HELQ: variants seen among roughly 807,000 people sequenced by gnomAD.
The protein encoded by HELQ is helicase POLQ-like.
Under a neutral mutation model 111.6 loss-of-function variants are expected in HELQ, and 77 were observed. The observed-to-expected ratio is 0.69, with a 90% CI of 0.57 to 0.83. The LOEUF is 0.83. Among genes scored for constraint, HELQ ranks in the 40% least tolerant of loss-of-function variants. The probability of loss-of-function intolerance (pLI) is 0.00; values close to 1 mark genes in which losing one functional copy is unlikely to be tolerated. For missense variants in HELQ, 1,200 were observed against 1,288.5 expected (o/e 0.93, Z 1.05); for synonymous variants, 438 against 454.7 (o/e 0.96, Z 0.47).
chr4:83,438,358 T>C (rs1720570295), intron 8 of HELQ, among the ~76,000 whole-genome samples: 1 of 152,194 alleles, frequency 6.6e-6, no homozygotes, highest in Non-Finnish European at 1.5e-5. Context: ...GAGCCAATAT[T>C]AAGATACTAC....
At chr4:83,416,603 G>C (rs773129105) in intron 17 of HELQ, 128 bp downstream of exon 17, 13 of 927,586 alleles carry the variant, frequency 1.4e-5, no homozygotes, top group South Asian at 1.8e-5. Context: ...ACAAATAAGA[G>C]TATGTACTTT....
chr4:83,407,796 G>A (rs1260175890), intron 17 of HELQ, among the ~76,000 whole-genome samples: 7 of 152,078 alleles, frequency 4.6e-5, no homozygotes, highest in Non-Finnish European at 1.0e-4. Context: ...AAAAATAAAG[G>A]AGCTTTAATT....
In HELQ at chr4:83,453,892, G is replaced by A; in HGVS notation, c.351C>T (p.Asn117=). Residue 117 remains asparagine, a synonymous_variant, in exon 2 of 18, where the codon AAC becomes AAT. Transcript: ENST00000295488. The stretch of plus-strand genomic sequence containing the variant: ...GGTCGTCAACTTGAGCTATAAAGGA[G>A]TTTTCAGTAAAGCTATCATAGTCAC... ...MFGDYDSFTE[N]SFIAQVDDLE... The A allele has an allele frequency of 6.2e-7, 1 of 1,613,906 alleles. No homozygotes were observed. The highest frequency in any genetic ancestry group is 8.5e-7 in the Non-Finnish European group (1 of 1,179,886).
intron 2 of HELQ, among the ~76,000 whole-genome samples, chr4:83,452,514 C>T (rs778825904): frequency 1.2e-4 from 19 of 152,140 alleles, no homozygotes; most frequent in Non-Finnish European, 1.8e-4. Context: ...GTTTAATCAA[C>T]AGTATTACTA....
Position 83,451,324 on chromosome 4 carries a change from G to A in HELQ, c.1012+1907C>T, listed in dbSNP as rs72931473. On this transcript the variant is annotated intron_variant, in intron 2 of 17. Transcript: ENST00000295488. ...CATTTTTAAGTGACAATCCCCAGCA[G>A]TTGAGAACCTACCAGAGTATACCAG... Among the ~76,000 whole-genome samples, 1,374 of 152,180 alleles carry A rather than the reference G, an allele frequency of 9.0e-3. 18 individuals carry two copies. Among genetic ancestry groups the A allele is most frequent in the African/African-American group, 0.031 (1,294 of 41,510 alleles).
At chr4:83,411,176 A>C (rs974232063) in intron 17 of HELQ, among the ~76,000 whole-genome samples, 2 of 150,790 alleles carry the variant, frequency 1.3e-5, no homozygotes, top group African/African-American at 4.9e-5. Flanking sequence ...AAAAAAAAAA[A>C]AGAAAGTCAA....
chr4:83,428,631 T>TA (rs1719970583), intron 12 of HELQ, among the ~76,000 whole-genome samples: 1 of 151,960 alleles, frequency 6.6e-6, no homozygotes, highest in African/African-American at 2.4e-5. Flanking sequence ...AAACAATCTC[T>TA]AAGACATTAT....
intron 17 of HELQ, among the ~76,000 whole-genome samples, chr4:83,409,074 CA>C (rs1738950643): frequency 6.6e-6 from 1 of 151,824 alleles, no homozygotes; most frequent in African/African-American, 2.4e-5. Context: ...GGAAATTAAA[CA>C]AACAAACAAA....
Position 83,448,792 on chromosome 4 carries a change from G to A in HELQ, c.1182C>T (p.Val394=). 6.2e-7 allele frequency: 1 copy of A among 1,611,876 alleles called. No individual in the cohort carries two copies. Among genetic ancestry groups the A allele is most frequent in the Non-Finnish European group, 8.5e-7 (1 of 1,178,904 alleles). ...VLMILPYVAI[V]QEKISGLSSF... ...ATACACACACACACACCTTTTCTTG[G>A]ACAATTGCCACATATGGAAGAATCA... The change falls in exon 3 of 18, where the codon GTC becomes GTT. Residue 394 remains valine (V), a synonymous_variant. Coordinates refer to ENST00000295488, the MANE Select transcript of HELQ (RefSeq NM_133636.5).
chr4:83,455,592 G>C lies in HELQ; in HGVS notation c.102C>G (p.Leu34=), dbSNP rs1406635262. 6.2e-7 allele frequency: 1 copy of C among 1,614,048 alleles called. No homozygotes were observed. Among genetic ancestry groups the C allele is most frequent in the Non-Finnish European group, 8.5e-7 (1 of 1,180,016 alleles). The change falls in exon 1 of 18, where the codon CTC becomes CTG. Residue 34 remains leucine (L), a synonymous_variant. Coordinates refer to ENST00000295488, the MANE Select transcript of HELQ (RefSeq NM_133636.5). ...CIFGAPTAAE[L]VPGDEGKEEE... Reference sequence around the variant, plus strand: ...CCTCTTTCCCCTCATCTCCGGGCACGAGCTCGGCCGCGGTGGGAGCGCCAA... The same window carrying C: ...CCTCTTTCCCCTCATCTCCGGGCACCAGCTCGGCCGCGGTGGGAGCGCCAA...
At chr4:83,407,595 T>C in intron 17 of HELQ, 35 bp from the exon 18 acceptor site, 1 of 1,362,208 alleles carries the variant, frequency 7.3e-7, no homozygotes, top group Non-Finnish European at 1.0e-6. Context: ...GGCCAAAATA[T>C]GCATTGCTAG....
rs1375018552 is a variant in HELQ at position 83,453,431 on chromosome 4, T to A, written c.812A>T (p.Asn271Ile). 3 of 1,603,176 alleles carry A rather than the reference T, an allele frequency of 1.9e-6. No individual in the cohort carries two copies. The African/African-American group carries it at 4.1e-5, about 22-fold the overall frequency. Residue 271 changes from asparagine (N) to isoleucine (I), a missense_variant, in exon 2 of 18, where the codon AAT (asparagine) becomes ATT (isoleucine). Physicochemically the swap from Asn to Ile is moderately radical, Grantham distance 149. This residue lies in a region of HELQ where 610 missense variants were observed against 607.1 expected (regional missense o/e 1.00). Coordinates refer to ENST00000295488, the MANE Select transcript of HELQ (RefSeq NM_133636.5). ...RRKSIKDHLK[N>I]AMTGNAKAQT... ...GGCCTTCGCATTTCCAGTCATGGCA[T>A]TTTTTAGATGATCTTTAATACTTTT...
chr4:83,431,731 TA>T lies in HELQ; in HGVS notation c.2227del (p.Tyr743ThrfsTer19). Reference sequence around the variant, plus strand: ...GGTGAATTCCTGAACAAGATGGCTGTAACAGTTTTCCAATGGTTTAGTTATT... The same window carrying T: ...GGTGAATTCCTGAACAAGATGGCTGTACAGTTTTCCAATGGTTTAGTTATT... ...ELITKPLENC[Y>X]SHLVQEFTKG... On this transcript the variant is annotated frameshift_variant, in exon 11 of 18. Coordinates refer to ENST00000295488, the MANE Select transcript of HELQ (RefSeq NM_133636.5). LOFTEE classifies it high-confidence loss of function. 6.5e-7 allele frequency: 1 copy of T among 1,542,304 alleles called. No homozygotes were observed. The highest frequency in any genetic ancestry group is 8.8e-7 in the Non-Finnish European group (1 of 1,141,876).
At chr4:83,445,981 T>C (rs1213189482) in intron 5 of HELQ, 33 bp downstream of exon 5, 1 of 1,342,610 alleles carries the variant, frequency 7.4e-7, no homozygotes, top group Admixed American at 1.7e-5. Flanking sequence ...TGATTATAAA[T>C]CAATTCATGA....
chr4:83,416,453 T>G (rs1214778985), intron 17 of HELQ, among the ~76,000 whole-genome samples: 4 of 151,870 alleles, frequency 2.6e-5, no homozygotes, highest in African/African-American at 4.8e-5. Flanking sequence ...ACTCCTGATT[T>G]CAAGCCATCC....
chr4:83,409,725 C>A (rs750079071), intron 17 of HELQ, among the ~76,000 whole-genome samples: 1 of 151,796 alleles, frequency 6.6e-6, no homozygotes, highest in African/African-American at 2.4e-5. Flanking sequence ...GAAATGCTCT[C>A]TAAATAAGAA....
At chr4:83,436,206 C>A (rs1392816002) in intron 9 of HELQ, among the ~76,000 whole-genome samples, 2 of 151,972 alleles carry the variant, frequency 1.3e-5, no homozygotes, top group East Asian at 1.9e-4. Context: ...AATTGATAGA[C>A]CAAGGAATCA....
rs774810456 is a variant in HELQ, at chr4:83,427,631, T to C, written c.2608A>G (p.Ile870Val). 3 of 1,607,224 alleles carry C rather than the reference T, an allele frequency of 1.9e-6. No homozygotes were observed. The Admixed American group carries it at 5.1e-5, about 27-fold the overall frequency. Residue 870 changes from isoleucine to valine, a missense_variant, in exon 13 of 18, where the codon ATC becomes GTC. Physicochemically the swap from Ile to Val is conservative, Grantham distance 29. Transcript: ENST00000295488. ...AGATCATAGGGGGTTGTTAGGTAGA[T>C]TAGATGAAGAAGGCTTTCAAGCACA... ...GLVLESLLHLIYLTTPYDLVS... is the reference protein window; with the variant it reads ...GLVLESLLHLVYLTTPYDLVS...
chr4:83,426,538 C>T (rs1283757493), intron 13 of HELQ, among the ~76,000 whole-genome samples: 3 of 150,620 alleles, frequency 2.0e-5, no homozygotes, highest in African/African-American at 4.9e-5. Context: ...ATGTATACTA[C>T]CTCTGTCTAA....
Sources: gnomAD v4.1 joint callset for allele counts (sites outside exome capture counted in the v4.1 genomes callset) on GRCh38, gnomAD v4.1.1 for gene constraint, gnomAD v4.1.1 regional missense constraint, MANE v1.5 for transcripts, NCBI Gene and HGNC (gene_info 2026-07-23, HGNC 2026-07-21) for gene names.